Variants in PRIM2 observed in about 807,000 individuals in gnomAD.
PRIM2 encodes DNA primase large subunit.
Under a neutral mutation model 67.3 loss-of-function variants are expected in PRIM2, and 39 were observed. The ratio of observed to expected loss-of-function variants is 0.58; its 90% CI spans 0.45 to 0.76. The LOEUF (loss-of-function observed/expected upper bound fraction) is 0.76. Among genes scored for constraint, PRIM2 ranks in the 30% least tolerant of loss-of-function variants. The probability of loss-of-function intolerance (pLI) is 0.00; values close to 1 mark genes in which losing one functional copy is unlikely to be tolerated. For missense variants in PRIM2, 398 were observed against 598.7 expected (o/e 0.66, Z 3.50); for synonymous variants, 143 against 198.7 (o/e 0.72, Z 2.36).
chr6:57,326,114 G>T lies in PRIM2; in HGVS notation c.459+69G>T, dbSNP rs1227345649. ...ATTTTTCCCTTCTGTCTTAAGTGCT[G>T]GTACTAATGTGTAGTGTGTTCTCTT... On this transcript the variant is annotated intron_variant, in intron 5 of 13. Transcript: ENST00000615550. The T allele has an allele frequency of 9.7e-6, 15 of 1,552,604 alleles. No homozygotes were observed. In the East Asian group the frequency reaches 3.4e-4, roughly 35 times the overall value.
intron 5 of PRIM2, among the ~76,000 whole-genome samples, chr6:57,367,372 A>G (rs556316825): frequency 1.3e-5 from 2 of 152,310 alleles, no homozygotes; most frequent in East Asian, 3.9e-4. Flanking sequence ...TGAAGAAAGT[A>G]CTTTGTAAGA....
intron 7 of PRIM2, among the ~76,000 whole-genome samples, chr6:57,490,353 C>T (rs1220722308): frequency 4.6e-5 from 7 of 152,074 alleles, no homozygotes; most frequent in Admixed American, 1.3e-4. Flanking sequence ...AGTACTAGGA[C>T]TTGTGTTTTG....
intron 7 of PRIM2, among the ~76,000 whole-genome samples, chr6:57,416,060 C>A (rs535619850): frequency 1.3e-5 from 2 of 152,172 alleles, no homozygotes; most frequent in African/African-American, 2.4e-5. Flanking sequence ...ATTGGTGAAT[C>A]GTTTCAGAAG....
chr6:57,549,370 C>T (rs2127474385), intron 10 of PRIM2, among the ~76,000 whole-genome samples: 1 of 152,214 alleles, frequency 6.6e-6, no homozygotes, highest in South Asian at 2.1e-4. Flanking sequence ...TGGGTTAGAC[C>T]CAGGTCTATT....
chr6:57,432,447 A>C (rs1179573070), intron 7 of PRIM2, among the ~76,000 whole-genome samples: 1 of 152,176 alleles, frequency 6.6e-6, no homozygotes, highest in Non-Finnish European at 1.5e-5. Context: ...ATTAAACCTA[A>C]AAAGAGTGGA....
intron 7 of PRIM2, among the ~76,000 whole-genome samples, chr6:57,400,285 A>G (rs1770663217): frequency 1.3e-5 from 2 of 152,220 alleles, no homozygotes; most frequent in Non-Finnish European, 2.9e-5. Flanking sequence ...GATCTCTTGT[A>G]AGGCAGGCTG....
At chr6:57,376,504 T>C (rs1309830836) in intron 5 of PRIM2, among the ~76,000 whole-genome samples, 1 of 152,232 alleles carries the variant, frequency 6.6e-6, no homozygotes, top group African/African-American at 2.4e-5. Context: ...ACTCTTTTTT[T>C]TGTTATTTCT....
At chr6:57,534,160 A>G (rs1263856308) in intron 9 of PRIM2, among the ~76,000 whole-genome samples, 2 of 152,256 alleles carry the variant, frequency 1.3e-5, no homozygotes, top group African/African-American at 4.8e-5. Context: ...AGTAGAGACA[A>G]CTTTCCCCCC....
chr6:57,395,519 G>A (rs12174210), intron 7 of PRIM2, among the ~76,000 whole-genome samples: 1 of 151,992 alleles, frequency 6.6e-6, no homozygotes, highest in Non-Finnish European at 1.5e-5. Flanking sequence ...CTCCTGTTTT[G>A]TTTCTTAGTT....
intron 10 of PRIM2, among the ~76,000 whole-genome samples, chr6:57,585,408 A>G (rs1213060968): frequency 2.6e-5 from 4 of 152,356 alleles, no homozygotes; most frequent in African/African-American, 7.2e-5. Flanking sequence ...ACCTTAGTAT[A>G]GAACAGGGTT....
the PRIM2 span, among the ~76,000 whole-genome samples, chr6:57,237,970 C>T: frequency 6.6e-6 from 1 of 152,162 alleles, no homozygotes; most frequent in East Asian, 1.9e-4. Flanking sequence ...CAAAGAAGGC[C>T]ATTACATAAT....
chr6:57,236,010 T>G, the PRIM2 span, among the ~76,000 whole-genome samples: 1 of 152,234 alleles, frequency 6.6e-6, no homozygotes, highest in Non-Finnish European at 1.5e-5. Context: ...AGACTGATTT[T>G]GGACTTCTGA....
rs753764529 is a variant in PRIM2 at position 57,325,938 on chromosome 6, C to T, written c.352C>T (p.Arg118Cys). ...LAYCQSEELRRWFIQQEMDLL... is the reference protein window; with the variant it reads ...LAYCQSEELRCWFIQQEMDLL... ...TCTTCATTTCAGTGAAGAACTTAGACGCTGGTTCATTCAACAAGAAATGGA... is the reference window on the plus strand; with the variant it reads ...TCTTCATTTCAGTGAAGAACTTAGATGCTGGTTCATTCAACAAGAAATGGA... The change falls in exon 5 of 14, where the codon CGC becomes TGC. Residue 118 changes from arginine to cysteine, a missense_variant. By Grantham distance (180) the Arg-to-Cys change is radical. Around this residue, in one of 4 missense-constraint regions of PRIM2, gnomAD observed 229 missense variants for 383.6 expected, o/e 0.60. Coordinates refer to ENST00000615550, the MANE Select transcript of PRIM2 (RefSeq NM_000947.5). The T allele has an allele frequency of 2.4e-5, 39 of 1,601,320 alleles. No individual in the cohort carries two copies. Among genetic ancestry groups the T allele is most frequent in the Admixed American group, 3.4e-5 (2 of 58,122 alleles).
At chr6:57,246,275 A>G in the PRIM2 span, among the ~76,000 whole-genome samples, 2 of 152,212 alleles carry the variant, frequency 1.3e-5, no homozygotes, top group Non-Finnish European at 2.9e-5. Flanking sequence ...TTGTTCCTGT[A>G]TAACTACTTA....
rs1188232326 is a variant in PRIM2 at position 57,544,460 on chromosome 6, T to C, written c.1020+6835T>C. Among the ~76,000 whole-genome samples, 213 of 152,334 alleles carry C rather than the reference T, an allele frequency of 1.4e-3. 5 individuals are homozygous for C. In the East Asian group the frequency reaches 0.019, roughly 14 times the overall value. ...ACATAAATTTTAAAATGATGGTGCTTGTCCAAGATGGCAATGCTCCTGCTC... is the reference window on the plus strand; with the variant it reads ...ACATAAATTTTAAAATGATGGTGCTCGTCCAAGATGGCAATGCTCCTGCTC... On this transcript the variant is annotated intron_variant, in intron 10 of 13. Coordinates refer to ENST00000615550, the MANE Select transcript of PRIM2 (RefSeq NM_000947.5).
intron 7 of PRIM2, among the ~76,000 whole-genome samples, chr6:57,414,060 G>C (rs6925938): frequency 6.6e-6 from 1 of 152,076 alleles, no homozygotes; most frequent in African/African-American, 2.4e-5. Flanking sequence ...TTTAGTTAAG[G>C]GGGAAACAAG....
At chr6:57,388,051 T>C (rs1770208188) in intron 7 of PRIM2, among the ~76,000 whole-genome samples, 1 of 152,190 alleles carries the variant, frequency 6.6e-6, no homozygotes, top group Non-Finnish European at 1.5e-5. Flanking sequence ...AAAAGGCCAG[T>C]GTAGCTAGAG....
In PRIM2 at chr6:57,601,089, T is replaced by A; in HGVS notation, c.1021-4T>A. 1 of 1,604,436 alleles carries A rather than the reference T, an allele frequency of 6.2e-7. No individual in the cohort carries two copies. Among genetic ancestry groups the A allele is most frequent in the Non-Finnish European group, 8.5e-7 (1 of 1,175,106 alleles). On this transcript the variant is annotated splice_region_variant and splice_polypyrimidine_tract_variant and intron_variant, in intron 10 of 13. Coordinates refer to ENST00000615550, the MANE Select transcript of PRIM2 (RefSeq NM_000947.5). Reference sequence around the variant, plus strand: ...TGTCTCTTTTTCCATTTCCTCCCAATCAGTTTGATAAAGGTTACTCTTACA... The same window carrying A: ...TGTCTCTTTTTCCATTTCCTCCCAAACAGTTTGATAAAGGTTACTCTTACA...
chr6:57,310,589 C>T (rs1416845512), upstream of PRIM2, among the ~76,000 whole-genome samples: 1 of 152,230 alleles, frequency 6.6e-6, no homozygotes, highest in Non-Finnish European at 1.5e-5. Flanking sequence ...GGTACACTTC[C>T]CAGATGGGGC....
Sources: gnomAD v4.1 joint callset for allele counts (sites outside exome capture counted in the v4.1 genomes callset) on GRCh38, gnomAD v4.1.1 for gene constraint, gnomAD v4.1.1 regional missense constraint, MANE v1.5 for transcripts, NCBI Gene and HGNC (gene_info 2026-07-23, HGNC 2026-07-21) for gene names.